ANAPC1: variants seen among roughly 807,000 people sequenced by gnomAD.
ANAPC1 encodes anaphase-promoting complex subunit 1.
A neutral mutation model predicts 208.0 loss-of-function variants in ANAPC1; 36 were observed. The observed-to-expected ratio is 0.17, with a 90% CI of 0.13 to 0.23. The LOEUF (loss-of-function observed/expected upper bound fraction) is 0.23, where lower values mean the gene tolerates loss of function less well. Among genes scored for constraint, ANAPC1 ranks in the 10% least tolerant of loss-of-function variants. The pLI, the probability that ANAPC1 is intolerant of heterozygous loss-of-function variation, is 1.00. For missense variants in ANAPC1, 942 were observed against 2,011.6 expected (o/e 0.47, Z 10.17); for synonymous variants, 378 against 695.2 (o/e 0.54, Z 7.18).
At chr2:111,795,739 A>AACAATTT (rs1407962629) in intron 34 of ANAPC1, among the ~76,000 whole-genome samples, 1 of 151,942 alleles carries the variant, frequency 6.6e-6, no homozygotes, top group Non-Finnish European at 1.5e-5. Context: ...ATAGGTAATG[A>AACAATTT]ACAATTTACC....
At chr2:111,875,713 T>C (rs1173179834) in intron 3 of ANAPC1, among the ~76,000 whole-genome samples, 1 of 152,346 alleles carries the variant, frequency 6.6e-6, no homozygotes, top group East Asian at 1.9e-4. Context: ...CCAAATTCCT[T>C]GGTTTATATA....
intron 16 of ANAPC1, among the ~76,000 whole-genome samples, 190 bp from the exon 17 acceptor site, chr2:111,843,789 T>G (rs569624003): frequency 1.8e-3 from 260 of 145,820 alleles, no homozygotes; most frequent in Middle Eastern, 7.4e-3. Flanking sequence ...ACTACTGAAT[T>G]CAACAAGGCT....
intron 18 of ANAPC1, among the ~76,000 whole-genome samples, chr2:111,835,483 A>G (rs1267169057): frequency 6.6e-6 from 1 of 152,228 alleles, no homozygotes; most frequent in Non-Finnish European, 1.5e-5. Context: ...TGTAAGGCTT[A>G]ATACAGTGTG....
chr2:111,828,094 A>G (rs1257317478), intron 21 of ANAPC1, among the ~76,000 whole-genome samples: 1 of 152,184 alleles, frequency 6.6e-6, no homozygotes, highest in East Asian at 1.9e-4. Context: ...TTGAAAATAA[A>G]AATCCAATTT....
At chr2:111,846,023 A>T (rs953803743) in intron 16 of ANAPC1, among the ~76,000 whole-genome samples, 1 of 151,822 alleles carries the variant, frequency 6.6e-6, no homozygotes, top group Admixed American at 6.6e-5. Context: ...AGGAATCTCT[A>T]TATCAACTTG....
chr2:111,859,573 G>T (rs1308010380), intron 10 of ANAPC1, among the ~76,000 whole-genome samples: 1 of 152,082 alleles, frequency 6.6e-6, no homozygotes, highest in African/African-American at 2.4e-5. Flanking sequence ...GTTATTTAAA[G>T]AAAAATGATT....
chr2:111,785,623 T>C (rs1255330093), intron 39 of ANAPC1, 146 bp from the exon 40 acceptor site: 9 of 470,538 alleles, frequency 1.9e-5, no homozygotes, highest in Non-Finnish European at 3.1e-5. Context: ...GATAAGATTC[T>C]ATTAAAAAGT....
intron 16 of ANAPC1, among the ~76,000 whole-genome samples, chr2:111,844,621 C>CA (rs1680953655): frequency 6.7e-6 from 1 of 149,634 alleles, no homozygotes; most frequent in Non-Finnish European, 1.5e-5. Flanking sequence ...TATGTTTATA[C>CA]ATTTATATAA....
intron 7 of ANAPC1, chr2:111,865,943 C>T (rs113831944): frequency 1.5e-5 from 3 of 205,646 alleles, no homozygotes; most frequent in South Asian, 7.6e-5. Flanking sequence ...AGGTGGCTAA[C>T]GCCTGTAATC....
intron 15 of ANAPC1, 45 bp from the exon 16 acceptor site, chr2:111,847,243 A>C (rs773214545): frequency 4.8e-5 from 70 of 1,459,492 alleles, no homozygotes; most frequent in Non-Finnish European, 5.3e-5. Flanking sequence ...TGTGCATTCT[A>C]AGTCTTTGAA....
chr2:111,855,578 A>T (rs987222326), intron 13 of ANAPC1, among the ~76,000 whole-genome samples: 2 of 152,230 alleles, frequency 1.3e-5, no homozygotes, highest in African/African-American at 4.8e-5. Context: ...AACAAATATA[A>T]TGTTGAGCAA....
chr2:111,872,936 C>T (rs1248768776), intron 5 of ANAPC1: 1 of 544,854 alleles, frequency 1.8e-6, no homozygotes, highest in Non-Finnish European at 3.3e-6. Context: ...AAATTCCTGC[C>T]ACTGGCCAGG....
chr2:111,879,114 T>C lies in ANAPC1; in HGVS notation c.214-143A>G. On this transcript the variant is annotated intron_variant, in intron 2 of 47. Coordinates refer to ENST00000341068, the MANE Select transcript of ANAPC1 (RefSeq NM_022662.4). Reference sequence around the variant, plus strand: ...GTTTGGTACACTGATTAACGGAGGATGTGGATATATGCATTACACTACAGA... The same window carrying C: ...GTTTGGTACACTGATTAACGGAGGACGTGGATATATGCATTACACTACAGA... The C allele has an allele frequency of 2.4e-6, 2 of 827,386 alleles. 1 individual carries two copies. Among genetic ancestry groups the C allele is most frequent in the Non-Finnish European group, 3.8e-6 (2 of 527,930 alleles). 51.3% of individuals were successfully genotyped at this position (827,386 alleles called of 1,614,324 possible).
At chr2:111,868,181 AG>A (rs11335904) in intron 6 of ANAPC1, 85 bp from the exon 7 acceptor site, 66,355 of 790,026 alleles carry the variant, frequency 0.084, 3,484 homozygotes, top group South Asian at 0.2. Context: ...AGAAATCTCC[AG>A]ATTACATGAG....
At chr2:111,879,304 G>A (rs1323441072) in intron 2 of ANAPC1, among the ~76,000 whole-genome samples, 1 of 152,190 alleles carries the variant, frequency 6.6e-6, no homozygotes, top group African/African-American at 2.4e-5. Context: ...AAGTATATGA[G>A]GTAGGGTAGG....
At position 111,834,670 on chromosome 2, in the gene ANAPC1, A is replaced by C. The variant is rs762026438; in HGVS notation, c.2318T>G (p.Leu773Arg). 6.2e-7 allele frequency: 1 copy of C among 1,613,604 alleles called. No homozygotes were observed. Among genetic ancestry groups the C allele is most frequent in the South Asian group, 1.1e-5 (1 of 91,028 alleles). ...TTCTCCCATTAGAGTATTCAACTTA[A>C]GCTCCTCATACACAAGGTGAAGAAC... ...FFVLHLVYEE[L>R]KLNTLMGEGI... Residue 773 changes from leucine to arginine, a missense_variant, in exon 19 of 48, where the codon CTT becomes CGT. Physicochemically the swap from Leu to Arg is moderately radical, Grantham distance 102. Transcript: ENST00000341068.
chr2:111,836,824 C>A (rs1680494750), intron 18 of ANAPC1, among the ~76,000 whole-genome samples: 2 of 151,804 alleles, frequency 1.3e-5, no homozygotes, highest in Non-Finnish European at 1.5e-5. Context: ...AAAAATTAGC[C>A]AGGCATGGTG....
chr2:111,811,204 T>C (rs1678977503), intron 28 of ANAPC1, among the ~76,000 whole-genome samples: 1 of 151,560 alleles, frequency 6.6e-6, no homozygotes, highest in Admixed American at 6.6e-5. Context: ...ATGTTTTTCC[T>C]ACTGCTCTTC....
At chr2:111,883,607 C>T (rs1486499144) in intron 1 of ANAPC1, among the ~76,000 whole-genome samples, 2 of 152,008 alleles carry the variant, frequency 1.3e-5, no homozygotes, top group African/African-American at 4.8e-5. Flanking sequence ...CCCAGCCTTT[C>T]TAGAGGACGG....
Sources: allele counts gnomAD v4.1 joint callset (sites outside exome capture counted in the v4.1 genomes callset), GRCh38; gene constraint gnomAD v4.1.1; transcripts MANE v1.5; gene names NCBI Gene and HGNC (gene_info 2026-07-23, HGNC 2026-07-21).